ZRANB3: variants seen among roughly 807,000 people sequenced by gnomAD.
ZRANB3 encodes the protein zinc finger RANBP2-type containing 3.
Under a neutral mutation model 133.8 loss-of-function variants are expected in ZRANB3, and 125 were observed. The ratio of observed to expected loss-of-function variants is 0.93; its 90% CI spans 0.81 to 1.08. ZRANB3 has a LOEUF of 1.08. ZRANB3 is among the 50% of genes least tolerant of loss of function. The probability of loss-of-function intolerance (pLI) is 0.00; values close to 1 mark genes in which losing one functional copy is unlikely to be tolerated. For synonymous variants in ZRANB3, 387 were observed against 432.7 expected (o/e 0.89, Z 1.31); for missense variants, 1,229 against 1,275.5 (o/e 0.96, Z 0.56).
At chr2:135,204,563 C>T (rs1693771755) in intron 19 of ZRANB3, among the ~76,000 whole-genome samples, 1 of 149,666 alleles carries the variant, frequency 6.7e-6, no homozygotes, top group Non-Finnish European at 1.5e-5. Flanking sequence ...GAGGCTGAGG[C>T]AGGAGGATCA....
At chr2:135,523,184 C>A (rs1694017626) in intron 1 of ZRANB3, among the ~76,000 whole-genome samples, 1 of 152,128 alleles carries the variant, frequency 6.6e-6, no homozygotes, top group Non-Finnish European at 1.5e-5. Flanking sequence ...TTCTTGATTT[C>A]TCCCTTTCCC....
rs1444109004 is a variant in ZRANB3 at position 135,416,867 on chromosome 2, C to A, written c.162-26047G>T. Among the ~76,000 whole-genome samples, 4 of 152,164 alleles carry A rather than the reference C, an allele frequency of 2.6e-5. No individual in the cohort carries two copies. The East Asian group carries it at 5.8e-4, about 22-fold the overall frequency. On this transcript the variant is annotated intron_variant, in intron 2 of 20. Transcript: ENST00000264159. ...AAAACAAGCAATGGGGAAAGGATTCCCTATTTAATAAATGGTGCTGGGAAA... is the reference window on the plus strand; with the variant it reads ...AAAACAAGCAATGGGGAAAGGATTCACTATTTAATAAATGGTGCTGGGAAA...
At chr2:135,413,708 C>T (rs1279484503) in intron 2 of ZRANB3, among the ~76,000 whole-genome samples, 1 of 152,026 alleles carries the variant, frequency 6.6e-6, no homozygotes, top group African/African-American at 2.4e-5. Flanking sequence ...TGATACGCAA[C>T]CAAGATAAAC....
At chr2:135,280,901 T>C (rs969857163) in intron 8 of ZRANB3, among the ~76,000 whole-genome samples, 1 of 152,188 alleles carries the variant, frequency 6.6e-6, no homozygotes, top group African/African-American at 2.4e-5. Flanking sequence ...CAGGCCTGCA[T>C]AGCCCAGTCT....
At chr2:135,335,048 C>T (rs1269929318) in intron 6 of ZRANB3, among the ~76,000 whole-genome samples, 4 of 151,986 alleles carry the variant, frequency 2.6e-5, no homozygotes, top group South Asian at 4.2e-4. Flanking sequence ...TATTAAGCCC[C>T]GTATGCATTA....
chr2:135,371,528 C>A (rs1176660099), intron 3 of ZRANB3, among the ~76,000 whole-genome samples: 1 of 152,132 alleles, frequency 6.6e-6, no homozygotes, highest in Non-Finnish European at 1.5e-5. Flanking sequence ...ACCACAATAA[C>A]CCAGTTGTGC....
intron 12 of ZRANB3, among the ~76,000 whole-genome samples, chr2:135,261,598 T>A (rs928013439): frequency 6.6e-6 from 1 of 152,092 alleles, no homozygotes; most frequent in Admixed American, 6.5e-5. Context: ...GAAAGTAAAA[T>A]TTGGTATGGG....
chr2:135,271,996 G>GT lies in ZRANB3; in HGVS notation c.1087-110dup, dbSNP rs1170567834. ...TGGTCACATAACAAAATGGAACTTG[G>GT]TTAAGGTGACAGATTGGTAAATGTT... On this transcript the variant is annotated intron_variant, in intron 9 of 20. Coordinates refer to ENST00000264159, the MANE Select transcript of ZRANB3 (RefSeq NM_032143.4). 4.9e-6 allele frequency: 6 copies of GT among 1,216,082 alleles called. No homozygotes were observed. The Admixed American group carries it at 1.4e-4, about 29-fold the overall frequency. 75.3% of individuals were successfully genotyped at this position (1,216,082 alleles called of 1,614,324 possible).
At chr2:135,479,506 G>A (rs146373818) in intron 2 of ZRANB3, among the ~76,000 whole-genome samples, 1 of 151,986 alleles carries the variant, frequency 6.6e-6, no homozygotes, top group Non-Finnish European at 1.5e-5. Context: ...ATGATGGCGG[G>A]TGCCTGTAAC....
chr2:135,290,943 C>A (rs911101753), intron 8 of ZRANB3, among the ~76,000 whole-genome samples: 1 of 152,150 alleles, frequency 6.6e-6, no homozygotes, highest in Non-Finnish European at 1.5e-5. Context: ...TATTCTGGCA[C>A]CCAGGCTGGA....
intron 2 of ZRANB3, among the ~76,000 whole-genome samples, chr2:135,455,372 G>A (rs1056476795): frequency 6.6e-6 from 1 of 150,876 alleles, no homozygotes; most frequent in South Asian, 2.1e-4. Flanking sequence ...ATTTTTACTA[G>A]AGACGGGGTT....
intron 17 of ZRANB3, among the ~76,000 whole-genome samples, chr2:135,213,691 A>G (rs1694193372): frequency 6.6e-6 from 1 of 152,186 alleles, no homozygotes; most frequent in Admixed American, 6.5e-5. Flanking sequence ...GTATACTAGA[A>G]TAGTCTTTTA....
intron 12 of ZRANB3, among the ~76,000 whole-genome samples, chr2:135,250,829 T>C (rs1348770835): frequency 6.6e-6 from 1 of 152,216 alleles, no homozygotes. Context: ...ATGGAGAGCC[T>C]CTGCTAGGGC....
intron 3 of ZRANB3, among the ~76,000 whole-genome samples, chr2:135,362,302 T>C (rs112758971): frequency 7.8e-4 from 118 of 152,200 alleles, no homozygotes; most frequent in African/African-American, 2.6e-3. Flanking sequence ...GGTATGCACA[T>C]AGCCCTGATC....
intron 1 of ZRANB3, among the ~76,000 whole-genome samples, chr2:135,515,766 C>A (rs536908588): frequency 1.3e-5 from 2 of 152,000 alleles, no homozygotes; most frequent in Non-Finnish European, 1.5e-5. Flanking sequence ...TGTTGATTTG[C>A]GGTGGAGAAT....
At chr2:135,291,769 C>G (rs1166454700) in intron 8 of ZRANB3, among the ~76,000 whole-genome samples, 2 of 151,626 alleles carry the variant, frequency 1.3e-5, no homozygotes, top group African/African-American at 4.9e-5. Flanking sequence ...CAACAGGCCC[C>G]AGTGTGTGAT....
chr2:135,254,111 G>T (rs563886010), intron 12 of ZRANB3, among the ~76,000 whole-genome samples: 1 of 152,164 alleles, frequency 6.6e-6, no homozygotes, highest in South Asian at 2.1e-4. Context: ...TGTAGATTTT[G>T]CATTCTCAGA....
intron 6 of ZRANB3, among the ~76,000 whole-genome samples, chr2:135,340,307 T>C (rs138305205): frequency 0.01 from 1,558 of 152,028 alleles, 24 homozygotes; most frequent in African/African-American, 0.036. Flanking sequence ...GGTTTCACCA[T>C]GTTGGCCAAA....
chr2:135,262,180 A>AC (rs1680001343), intron 12 of ZRANB3, among the ~76,000 whole-genome samples: 2 of 145,368 alleles, frequency 1.4e-5, no homozygotes, highest in Non-Finnish European at 3.0e-5. Flanking sequence ...AAAAAAAAAA[A>AC]CAAAGAAAAC....
Sources: gnomAD v4.1 joint callset for allele counts (sites outside exome capture counted in the v4.1 genomes callset) on GRCh38, gnomAD v4.1.1 for gene constraint, MANE v1.5 for transcripts, NCBI Gene and HGNC (gene_info 2026-07-23, HGNC 2026-07-21) for gene names.